CLHC1: variants seen among roughly 807,000 people sequenced by gnomAD.
CLHC1 encodes clathrin heavy chain linker domain-containing protein 1.
Under a neutral mutation model 69.5 loss-of-function variants are expected in CLHC1, and 72 were observed. That is an observed-to-expected ratio of 1.04 (90% CI 0.86 to 1.26). The LOEUF (loss-of-function observed/expected upper bound fraction) is 1.26, where lower values mean the gene tolerates loss of function less well. Among genes scored for constraint, CLHC1 ranks in the 50% most tolerant of loss-of-function variants. The pLI, the probability that CLHC1 is intolerant of heterozygous loss-of-function variation, is 0.00. For synonymous variants in CLHC1, 223 were observed against 224.3 expected (o/e 0.99, Z 0.05); for missense variants, 790 against 679.3 (o/e 1.16, Z -1.81).
intron 9 of CLHC1, among the ~76,000 whole-genome samples, chr2:55,204,441 C>A (rs1672247714): frequency 6.6e-6 from 1 of 152,178 alleles, no homozygotes; most frequent in Non-Finnish European, 1.5e-5. Context: ...AAAACAGTAG[C>A]TTTTATCCAA....
Position 55,222,333 on chromosome 2 carries a change from C to G in CLHC1, c.79G>C (p.Val27Leu), listed in dbSNP as rs377617626. The change falls in exon 3 of 13, where the codon GTG becomes CTG. Residue 27 changes from valine to leucine, a missense_variant. Transcript: ENST00000401408. ...CRSDKEFLES[V>L]QRYIITETER... is the part of the protein sequence containing the mutation. The stretch of plus-strand genomic sequence containing the variant: ...GTTTCTGTAATTATGTATCTTTGCA[C>G]ACTTTCCAAAAATTCCTTGTCACTT... 34 of 1,613,628 alleles carry G rather than the reference C, an allele frequency of 2.1e-5. No individual in the cohort carries two copies. The highest frequency in any genetic ancestry group is 2.9e-5 in the Non-Finnish European group (34 of 1,179,754).
At chr2:55,205,540 A>T (rs1201664621) in intron 9 of CLHC1, among the ~76,000 whole-genome samples, 1 of 152,168 alleles carries the variant, frequency 6.6e-6, no homozygotes, top group Non-Finnish European at 1.5e-5. Flanking sequence ...AGAGAGGGAT[A>T]CTGAGGGGCA....
intron 2 of CLHC1, among the ~76,000 whole-genome samples, chr2:55,223,769 G>A (rs1303959712): frequency 6.6e-6 from 1 of 152,064 alleles, no homozygotes; most frequent in African/African-American, 2.4e-5. Flanking sequence ...AGCAGGGTCA[G>A]GTTCACGCAC....
chr2:55,200,225 T>TAAAAAA (rs34374033), intron 9 of CLHC1, among the ~76,000 whole-genome samples: 52 of 52,872 alleles, frequency 9.8e-4, no homozygotes, highest in African/African-American at 2.1e-3. Context: ...AAGACTGTCT[T>TAAAAAA]AAAAAAAAAA....
intron 9 of CLHC1, among the ~76,000 whole-genome samples, chr2:55,194,722 T>C (rs190905444): frequency 2.4e-4 from 37 of 152,320 alleles, no homozygotes; most frequent in Non-Finnish European, 4.1e-4. Flanking sequence ...AAAAGTCAAC[T>C]GAATTTTTTT....
At position 55,208,684 on chromosome 2, in the gene CLHC1, T is replaced by C. The variant is rs1189297475; in HGVS notation, c.841A>G (p.Met281Val). The change falls in exon 8 of 13, where the codon ATG (methionine) becomes GTG (valine). Residue 281 changes from methionine to valine, a missense_variant. Physicochemically the swap from Met to Val is conservative, Grantham distance 21 (BLOSUM62 1). Transcript: ENST00000401408. The part of the protein sequence containing the change: ...QGDQGIVEEL[M>V]EDDPRRAKEA... Reference sequence around the variant, plus strand: ...TTTGCCCTGCGTGGATCATCTTCCATTAGTTCTTCAACAATGCCTTGGTCA... The same window carrying C: ...TTTGCCCTGCGTGGATCATCTTCCACTAGTTCTTCAACAATGCCTTGGTCA... 6.2e-7 allele frequency: 1 copy of C among 1,612,022 alleles called. No homozygotes were observed. The highest frequency in any genetic ancestry group is 1.7e-5 in the Admixed American group (1 of 59,998).
chr2:55,219,570 T>TTTTA (rs971632504), intron 3 of CLHC1, among the ~76,000 whole-genome samples: 28 of 152,198 alleles, frequency 1.8e-4, no homozygotes, highest in South Asian at 4.1e-4. Context: ...TTATTCATGG[T>TTTTA]TTTATTTATT....
chr2:55,218,227 A>AG, intron 3 of CLHC1: 1 of 317,914 alleles, frequency 3.1e-6, no homozygotes, highest in Non-Finnish European at 5.7e-6. Flanking sequence ...TAAATATGAG[A>AG]GAAAAAAAGG....
chr2:55,222,716 T>C (rs1674261890), intron 2 of CLHC1, among the ~76,000 whole-genome samples: 1 of 150,146 alleles, frequency 6.7e-6, no homozygotes, highest in African/African-American at 2.5e-5. Context: ...GGTCCGGGAG[T>C]TCGAGACCAG....
chr2:55,193,611 A>G (rs1026432107), intron 9 of CLHC1, among the ~76,000 whole-genome samples: 7 of 152,172 alleles, frequency 4.6e-5, no homozygotes, highest in Admixed American at 6.6e-5. Flanking sequence ...CTTATTAGAA[A>G]GTCTATAATC....
rs565462590 is a variant in CLHC1 at position 55,173,244 on chromosome 2, T to C, written c.*2546A>G. Among the ~76,000 whole-genome samples the C allele has an allele frequency of 1.3e-5, 2 of 152,342 alleles. No individual in the cohort carries two copies. The highest frequency in any genetic ancestry group is 4.1e-4 in the South Asian group (2 of 4,830). ...GGAACAATTCAAATGTTAAAAGGCA[T>C]TTTTAGCAACTGGTGAAATTTGAAT... is the stretch of plus-strand genomic sequence containing the variant. On this transcript the variant is annotated 3_prime_UTR_variant, in exon 13 of 13. Coordinates refer to ENST00000401408, the MANE Select transcript of CLHC1 (RefSeq NM_152385.4).
At position 55,209,412 on chromosome 2, in the gene CLHC1, T is replaced by C; in HGVS notation, c.806A>G (p.Tyr269Cys). ...AAATATAGATAATCTACCTTGTAAA[T>C]ATTTGGTTTTCTGAATTTGCTCCAC... ...DFVEQIQKTK[Y>C]LQGDQGIVEE... Residue 269 changes from tyrosine to cysteine, a missense_variant, in exon 7 of 13, where the codon TAT (tyrosine) becomes TGT (cysteine). Transcript: ENST00000401408. 1 of 1,586,474 alleles carries C rather than the reference T, an allele frequency of 6.3e-7. No homozygotes were observed. The highest frequency in any genetic ancestry group is 8.6e-7 in the Non-Finnish European group (1 of 1,163,112).
chr2:55,184,024 C>T (rs1670169338), intron 9 of CLHC1, among the ~76,000 whole-genome samples: 1 of 152,096 alleles, frequency 6.6e-6, no homozygotes, highest in Non-Finnish European at 1.5e-5. Context: ...CGTGATCCGC[C>T]TGCCTTGGCC....
intron 2 of CLHC1, chr2:55,224,471 T>C: frequency 2.6e-6 from 1 of 386,002 alleles, no homozygotes. Context: ...TAGCTGGCGC[T>C]GCAGTTTGTG....
chr2:55,194,459 T>G (rs1480842169), intron 9 of CLHC1, among the ~76,000 whole-genome samples: 1 of 151,752 alleles, frequency 6.6e-6, no homozygotes, highest in African/African-American at 2.4e-5. Context: ...AATGAAAAAC[T>G]AAATGCTTTA....
intron 9 of CLHC1, among the ~76,000 whole-genome samples, chr2:55,194,612 C>G (rs983713190): frequency 6.6e-6 from 1 of 151,342 alleles, no homozygotes; most frequent in Non-Finnish European, 1.5e-5. Flanking sequence ...TCTTTATTAG[C>G]TGATGACATG....
intron 9 of CLHC1, among the ~76,000 whole-genome samples, chr2:55,201,575 C>G (rs1274354316): frequency 6.6e-6 from 1 of 152,116 alleles, no homozygotes; most frequent in Non-Finnish European, 1.5e-5. Flanking sequence ...ACTTCTGACT[C>G]TACCAAACAT....
In CLHC1 at chr2:55,173,083, A is replaced by G. The variant is rs1187864701; in HGVS notation, c.*2707T>C. Among the ~76,000 whole-genome samples the G allele has an allele frequency of 6.6e-6, 1 of 152,240 alleles. No individual in the cohort carries two copies. The highest frequency in any genetic ancestry group is 1.5e-5 in the Non-Finnish European group (1 of 68,040). On this transcript the variant is annotated 3_prime_UTR_variant, in exon 13 of 13. Transcript: ENST00000401408. The stretch of plus-strand genomic sequence containing the variant: ...GAAAGAAAACCTAATATGAAATCAG[A>G]GAAACTTAGTTCATCATGACCCTTG...
chr2:55,214,041 G>T (rs1277211087), intron 4 of CLHC1, among the ~76,000 whole-genome samples: 1 of 151,992 alleles, frequency 6.6e-6, no homozygotes, highest in Non-Finnish European at 1.5e-5. Context: ...ATGGATGGGG[G>T]GTTCTGGCTA....
Sources: gnomAD v4.1 joint callset for allele counts (sites outside exome capture counted in the v4.1 genomes callset) on GRCh38, gnomAD v4.1.1 for gene constraint, MANE v1.5 for transcripts, NCBI Gene and HGNC (gene_info 2026-07-23, HGNC 2026-07-21) for gene names.